VIL1: variants seen among roughly 807,000 people sequenced by gnomAD.
The protein encoded by VIL1 is villin-1.
In VIL1, 86 loss-of-function variants were observed where a neutral mutation model predicts 104.0. The observed-to-expected ratio is 0.83, with a 90% confidence interval of 0.69 to 0.99. The LOEUF (loss-of-function observed/expected upper bound fraction) is 0.99, where lower values mean the gene tolerates loss of function less well. VIL1 is among the 50% of genes least tolerant of loss of function. The pLI, the probability that VIL1 is intolerant of heterozygous loss-of-function variation, is 0.00. For missense variants in VIL1, 944 were observed against 1,054.1 expected (o/e 0.90, Z 1.45); for synonymous variants, 394 against 412.6 (o/e 0.95, Z 0.55).
At position 218,440,799 on chromosome 2, in the gene VIL1, G is replaced by A; in HGVS notation, c.2307G>A (p.Leu769=). ...LSSGPLPIFP[L]EQLVNKPVEE... is the part of the protein sequence containing the mutation. The stretch of plus-strand genomic sequence containing the variant: ...CTGGGCCTCTGCCCATCTTCCCCCT[G>A]GAGCAGCTAGTGAACAAGCCTGTAG... The change falls in exon 19 of 20, where the codon CTG becomes CTA. Residue 769 remains leucine, a synonymous_variant. Transcript: ENST00000248444. The A allele has an allele frequency of 1.2e-6, 2 of 1,614,138 alleles. No homozygotes were observed. The highest frequency in any genetic ancestry group is 1.7e-6 in the Non-Finnish European group (2 of 1,180,018).
chr2:218,442,565 G>A (rs1456762259), intron 19 of VIL1, among the ~76,000 whole-genome samples: 1 of 151,934 alleles, frequency 6.6e-6, no homozygotes, highest in Non-Finnish European at 1.5e-5. Flanking sequence ...CAACTTTCTG[G>A]GCTCAAGTGA....
chr2:218,435,170 A>G, intron 14 of VIL1, 119 bp from the exon 15 acceptor site: 1 of 1,371,378 alleles, frequency 7.3e-7, no homozygotes, highest in Non-Finnish European at 1.0e-6. Flanking sequence ...TGTGGCCTGT[A>G]TACACAAGGT....
intron 6 of VIL1, 28 bp from the exon 7 acceptor site, chr2:218,429,257 C>A (rs763328896): frequency 1.9e-6 from 3 of 1,595,490 alleles, no homozygotes; most frequent in Non-Finnish European, 2.6e-6. Flanking sequence ...CGACTACTCC[C>A]GATGGGTCAC....
chr2:218,432,228 C>G, intron 12 of VIL1, 45 bp downstream of exon 12: 1 of 1,592,240 alleles, frequency 6.3e-7, no homozygotes, highest in Non-Finnish European at 8.5e-7. Context: ...CGGCTTAGCT[C>G]TGCCTTGTAC....
At chr2:218,420,415 T>G (rs1280008246) in intron 1 of VIL1, among the ~76,000 whole-genome samples, 2 of 105,044 alleles carry the variant, frequency 1.9e-5, no homozygotes, top group East Asian at 2.7e-4. Context: ...GGTGACAGAG[T>G]GAGACTCTGT....
chr2:218,445,437 C>A (rs1430039102), intron 19 of VIL1, among the ~76,000 whole-genome samples: 1 of 152,028 alleles, frequency 6.6e-6, no homozygotes. Context: ...AACCCCCAAA[C>A]CAAAACCAAA....
In VIL1 at chr2:218,432,099, C is replaced by A; in HGVS notation, c.1257C>A (p.Gly419=). Reference sequence around the variant, plus strand: ...TACCTGTGGATTCCAAGTGGCTAGGCCACTTCTATGGGGGCGACTGCTACC... The same window carrying A: ...TACCTGTGGATTCCAAGTGGCTAGGACACTTCTATGGGGGCGACTGCTACC... The part of the protein sequence containing the change: ...ELVPVDSKWL[G]HFYGGDCYLL... The change falls in exon 12 of 20, where the codon GGC becomes GGA. Residue 419 remains glycine, a synonymous_variant. Transcript: ENST00000248444. The A allele has an allele frequency of 3.1e-6, 5 of 1,614,110 alleles. No homozygotes were observed. Among genetic ancestry groups the A allele is most frequent in the Non-Finnish European group, 4.2e-6 (5 of 1,180,014 alleles).
Position 218,450,011 on chromosome 2 carries a change from GT to G in VIL1, c.*678del, listed in dbSNP as rs1042283090. ...AGAGCCTAGTGAAGGCCAATGCTAG[GT>G]TTACAAACTTACCCAGAAGCCTCTG... On this transcript the variant is annotated 3_prime_UTR_variant, in exon 20 of 20. Transcript: ENST00000248444. 4.3e-4 allele frequency: 65 copies of G among 152,302 alleles called. 1 individual carries two copies. Among genetic ancestry groups the G allele is most frequent in the African/African-American group, 1.5e-3 (63 of 41,550 alleles). 9.4% of individuals were successfully genotyped at this position (152,302 alleles called of 1,614,324 possible).
intron 19 of VIL1, among the ~76,000 whole-genome samples, chr2:218,442,155 T>A (rs1574819938): frequency 6.6e-6 from 1 of 152,058 alleles, no homozygotes; most frequent in East Asian, 1.9e-4. Flanking sequence ...GAGAGAAACA[T>A]TTAGGAGGTA....
intron 19 of VIL1, among the ~76,000 whole-genome samples, chr2:218,447,606 C>T (rs1689386598): frequency 6.6e-6 from 1 of 152,148 alleles, no homozygotes; most frequent in African/African-American, 2.4e-5. Flanking sequence ...AGACGTGAGC[C>T]ACCACACCTG....
chr2:218,430,256 A>G (rs1689072229), intron 9 of VIL1, among the ~76,000 whole-genome samples: 1 of 152,046 alleles, frequency 6.6e-6, no homozygotes, highest in African/African-American at 2.4e-5. Context: ...GGGAAGGAGA[A>G]ATGGAGGGAG....
At chr2:218,439,731 G>A (rs916674514) in intron 18 of VIL1, among the ~76,000 whole-genome samples, 3 of 149,632 alleles carry the variant, frequency 2.0e-5, no homozygotes, top group Non-Finnish European at 4.4e-5. Context: ...GTGGGAGGTT[G>A]GTTTGAACCC....
At chr2:218,434,355 A>G in intron 13 of VIL1, among the ~76,000 whole-genome samples, 171 bp from the exon 14 acceptor site, 1 of 152,176 alleles carries the variant, frequency 6.6e-6, no homozygotes. Flanking sequence ...AACATTTTTG[A>G]AAAGAGAAAC....
chr2:218,439,468 G>A (rs534353649), intron 18 of VIL1, among the ~76,000 whole-genome samples: 72 of 152,126 alleles, frequency 4.7e-4, no homozygotes, highest in Admixed American at 9.2e-4. Flanking sequence ...ATCACCTTTG[G>A]GATCCCTTCT....
intron 7 of VIL1, 35 bp from the exon 8 acceptor site, chr2:218,429,562 C>A: frequency 6.2e-7 from 1 of 1,613,950 alleles, no homozygotes; most frequent in Non-Finnish European, 8.5e-7. Flanking sequence ...GGACTTGGGC[C>A]CCCTCCCCAT....
chr2:218,442,200 G>A (rs1053172233), intron 19 of VIL1, among the ~76,000 whole-genome samples: 26 of 152,118 alleles, frequency 1.7e-4, no homozygotes, highest in Admixed American at 1.6e-3. Context: ...TGGATAAAGA[G>A]TATGAGAGAA....
chr2:218,423,751 A>G lies in VIL1; in HGVS notation c.-11-17A>G, dbSNP rs745454078. 1 of 1,613,766 alleles carries G rather than the reference A, an allele frequency of 6.2e-7. No individual in the cohort carries two copies. The highest frequency in any genetic ancestry group is 1.1e-5 in the South Asian group (1 of 91,072). On this transcript the variant is annotated splice_polypyrimidine_tract_variant and intron_variant, in intron 1 of 19. Coordinates refer to ENST00000248444, the MANE Select transcript of VIL1 (RefSeq NM_007127.3). ...CCGAACTCAGGGTGCCCCTGCTCCCAACGCCTTCTCCCCCAGGCTCACTCA... is the reference window on the plus strand; with the variant it reads ...CCGAACTCAGGGTGCCCCTGCTCCCGACGCCTTCTCCCCCAGGCTCACTCA...
rs756272645 is a variant in VIL1 at position 218,429,286 on chromosome 2, G to A, written c.569G>A (p.Gly190Asp). ...GGGTCACCAGGGGCCTTCCTGCAGG[G>A]CATGACTCTGGCCAAGGAGATCCGA... ...PESTRMERLR[G>D]MTLAKEIRDQ... is the part of the protein sequence containing the mutation. Residue 190 changes from glycine to aspartate, a missense_variant and splice_region_variant, in exon 7 of 20, where the codon GGC becomes GAC. By Grantham distance (94) the Gly-to-Asp change is moderately conservative (BLOSUM62 -1). Transcript: ENST00000248444. 6.2e-7 allele frequency: 1 copy of A among 1,611,610 alleles called. No homozygotes were observed. Among genetic ancestry groups the A allele is most frequent in the South Asian group, 1.1e-5 (1 of 90,806 alleles).
chr2:218,431,691 T>C (rs1406403712), intron 10 of VIL1, among the ~76,000 whole-genome samples, 166 bp from the exon 11 acceptor site: 1 of 152,162 alleles, frequency 6.6e-6, no homozygotes, highest in Non-Finnish European at 1.5e-5. Flanking sequence ...TTCTCTATTG[T>C]AGCTCTGCCA....
Sources: gnomAD v4.1 joint callset for allele counts (sites outside exome capture counted in the v4.1 genomes callset) on GRCh38, gnomAD v4.1.1 for gene constraint, MANE v1.5 for transcripts, NCBI Gene and HGNC (gene_info 2026-07-23, HGNC 2026-07-21) for gene names.